Variants in SSBP4 observed in about 807,000 individuals in gnomAD.
SSBP4 encodes single-stranded DNA-binding protein 4.
SSBP4 carries 33 observed loss-of-function variants against 64.6 expected under a neutral mutation model. The ratio of observed to expected loss-of-function variants is 0.51; its 90% CI spans 0.39 to 0.68. SSBP4 has a LOEUF of 0.68. Ranked by LOEUF, SSBP4 falls within the 30% of genes least tolerant of loss-of-function variation. The pLI is 0.00. For synonymous variants in SSBP4, 243 were observed against 224.0 expected (o/e 1.08, Z -0.76); for missense variants, 583 against 566.8 (o/e 1.03, Z -0.29).
intron 1 of SSBP4, chr19:18,419,969 C>G (rs1972318968): frequency 2.2e-5 from 4 of 181,200 alleles, no homozygotes; most frequent in African/African-American, 9.6e-5. Flanking sequence ...ACGGGCGAGA[C>G]CGGAGCGGCT....
rs753163077 is a variant in SSBP4 at position 18,431,393 on chromosome 19, C to A, written c.410C>A (p.Ala137Asp). The A allele has an allele frequency of 6.7e-7, 1 of 1,499,730 alleles. No homozygotes were observed. Among genetic ancestry groups the A allele is most frequent in the South Asian group, 1.2e-5 (1 of 80,360 alleles). 92.9% of individuals were successfully genotyped at this position (1,499,730 alleles called of 1,614,324 possible). A position where few individuals can be genotyped will look rare whatever the true frequency, so the allele number is the denominator to read the frequency against. Residue 137 changes from alanine (A) to aspartate (D), a missense_variant, in exon 6 of 18, where the codon GCC becomes GAC. By Grantham distance (126) the Ala-to-Asp change is moderately radical. Transcript: ENST00000270061. ...GSQPSPHNPN[A>D]PMMGPHGQPF... ...CAGCCGTCCCCCCACAACCCCAACG[C>A]CCCCATGATGGGGCCTCACGGTCAG...
In SSBP4 at chr19:18,431,719, T is replaced by A; in HGVS notation, c.495+13T>A. On this transcript the variant is annotated intron_variant, in intron 7 of 17. Transcript: ENST00000270061. ...GATGCCGAGTCAGGTGAGAAAGGGA[T>A]GAGGGGAGGGCGGGCAGGAGCTGGG... 1 of 1,548,180 alleles carries A rather than the reference T, an allele frequency of 6.5e-7. No homozygotes were observed. Among genetic ancestry groups the A allele is most frequent in the Non-Finnish European group, 8.7e-7 (1 of 1,145,800 alleles).
At chr19:18,417,011 C>T (rs1972142594), upstream of SSBP4, among the ~76,000 whole-genome samples, 1 of 152,162 alleles carries the variant, frequency 6.6e-6, no homozygotes, top group Non-Finnish European at 1.5e-5. The surrounding 1 kb of genome is among the most constrained non-coding windows in gnomAD (Gnocchi z 5.4). Flanking sequence ...TCGCTCCCGC[C>T]CTCCGCGCCT....
At position 18,431,370 on chromosome 19, in the gene SSBP4, G is replaced by T. The variant is rs761436464; in HGVS notation, c.387G>T (p.Gln129His). The stretch of plus-strand genomic sequence containing the variant: ...CCTCCTAGGGCCCCCCCGGCTCCCA[G>T]CCGTCCCCCCACAACCCCAACGCCC... ...AGFFQGPPGSQPSPHNPNAPM... is the reference protein window; with the variant it reads ...AGFFQGPPGSHPSPHNPNAPM... Residue 129 changes from glutamine to histidine, a missense_variant, in exon 6 of 18, where the codon CAG (glutamine) becomes CAT (histidine). Gln to His is a conservative substitution (Grantham distance 24). Coordinates refer to ENST00000270061, the MANE Select transcript of SSBP4 (RefSeq NM_032627.5). The T allele has an allele frequency of 2.7e-6, 3 of 1,092,406 alleles. No homozygotes were observed. Among genetic ancestry groups the T allele is most frequent in the African/African-American group, 1.9e-5 (1 of 51,752 alleles). 67.7% of individuals were successfully genotyped at this position (1,092,406 alleles called of 1,614,324 possible).
At chr19:18,416,683 C>G, upstream of SSBP4, among the ~76,000 whole-genome samples, 1 of 152,240 alleles carries the variant, frequency 6.6e-6, no homozygotes, top group Non-Finnish European at 1.5e-5. Flanking sequence ...CCTCCAGCGC[C>G]TTCGCCGTGT....
At chr19:18,406,890 T>A in the SSBP4 span, among the ~76,000 whole-genome samples, 1 of 152,032 alleles carries the variant, frequency 6.6e-6, no homozygotes, top group Admixed American at 6.6e-5. Context: ...TGGACTGACA[T>A]GGACATTGTG....
upstream of SSBP4, chr19:18,419,091 G>A: frequency 1.0e-6 from 1 of 985,602 alleles, no homozygotes; most frequent in Non-Finnish European, 1.2e-6. Context: ...TATGTTGAGT[G>A]TCGCTGCGAA....
intron 4 of SSBP4, among the ~76,000 whole-genome samples, chr19:18,430,621 G>A (rs893652408): frequency 2.6e-5 from 4 of 152,150 alleles, no homozygotes; most frequent in Non-Finnish European, 2.9e-5. Context: ...GGTCTGGAGT[G>A]GGGAGCAGGT....
chr19:18,416,578 C>G (rs1600267963), upstream of SSBP4, among the ~76,000 whole-genome samples: 1 of 152,152 alleles, frequency 6.6e-6, no homozygotes, highest in African/African-American at 2.4e-5. Flanking sequence ...AAAATCTCAC[C>G]CCCTCCCCTC....
At chr19:18,430,145 GAGA>G (rs1418303364) in intron 4 of SSBP4, among the ~76,000 whole-genome samples, 4 of 152,098 alleles carry the variant, frequency 2.6e-5, no homozygotes, top group Non-Finnish European at 5.9e-5. Flanking sequence ...GGGGCCAGGA[GAGA>G]AGTTCTCCCC....
chr19:18,416,565 A>G (rs1972132274), upstream of SSBP4, among the ~76,000 whole-genome samples: 1 of 152,016 alleles, frequency 6.6e-6, no homozygotes, highest in East Asian at 1.9e-4. Flanking sequence ...ATGCTCTTAG[A>G]AAAAAATCTC....
chr19:18,429,148 C>T (rs374850368), intron 4 of SSBP4, among the ~76,000 whole-genome samples: 6 of 152,264 alleles, frequency 3.9e-5, no homozygotes, highest in East Asian at 3.9e-4. Flanking sequence ...GCCGGGCCGT[C>T]GCCTCCGTTG....
chr19:18,431,264 AC>A, intron 5 of SSBP4, 88 bp from the exon 6 acceptor site: 1 of 565,744 alleles, frequency 1.8e-6, no homozygotes, highest in Non-Finnish European at 3.2e-6. Context: ...AGGCTGGCCC[AC>A]CCCTCTGCCT....
chr19:18,413,678 A>G, the SSBP4 span, among the ~76,000 whole-genome samples: 30,371 of 152,142 alleles, frequency 0.2, 3,133 homozygotes, highest in Admixed American at 0.25. Flanking sequence ...AATGAAGCTC[A>G]GTCCTGTCGG....
intron 4 of SSBP4, among the ~76,000 whole-genome samples, chr19:18,428,310 AT>A (rs1317736577): frequency 6.6e-6 from 1 of 152,092 alleles, no homozygotes; most frequent in East Asian, 1.9e-4. Flanking sequence ...CTGCGTGGAG[AT>A]GGGGGAAGCT....
the SSBP4 span, among the ~76,000 whole-genome samples, chr19:18,408,579 G>A: frequency 3.4e-5 from 5 of 148,702 alleles, no homozygotes; most frequent in South Asian, 2.1e-4. Context: ...TGCAAACTCC[G>A]CCCCCCAGGT....
In SSBP4 at chr19:18,434,411, C is replaced by G. The variant is rs1973842789; in HGVS notation, c.*165C>G. ...AAGACTCTTACCATTTTATTAAAAA[C>G]GCAAGGACCTCAGAGACGTTCTTTT... On this transcript the variant is annotated 3_prime_UTR_variant, in exon 18 of 18. Coordinates refer to ENST00000270061, the MANE Select transcript of SSBP4 (RefSeq NM_032627.5). 7.9e-7 allele frequency: 1 copy of G among 1,273,190 alleles called. No individual in the cohort carries two copies. Among genetic ancestry groups the G allele is most frequent in the Non-Finnish European group, 1.0e-6 (1 of 967,340 alleles). 78.9% of individuals were successfully genotyped at this position (1,273,190 alleles called of 1,614,324 possible).
At chr19:18,425,333 T>G (rs1972776101) in intron 1 of SSBP4, among the ~76,000 whole-genome samples, 1 of 152,108 alleles carries the variant, frequency 6.6e-6, no homozygotes, top group South Asian at 2.1e-4. Context: ...TTCCTGCAAC[T>G]CTGTCTTACC....
rs901750144 is a variant in SSBP4, at chr19:18,419,477, TGCCGCCGCCGCC to T, written c.-169_-158del. The T allele has an allele frequency of 9.3e-7, 1 of 1,077,670 alleles. No individual in the cohort carries two copies. The highest frequency in any genetic ancestry group is 5.3e-5 in the Admixed American group (1 of 19,014). 66.8% of individuals were successfully genotyped at this position (1,077,670 alleles called of 1,614,324 possible). ...CCGGGGCCGGAGCTGGAGCCGCCGC[TGCCGCCGCCGCC>T]GCGGCCGTCTGGAGCTCCCCCGCGC... On this transcript the variant is annotated 5_prime_UTR_variant, in exon 1 of 18. Transcript: ENST00000270061.
Sources: allele counts gnomAD v4.1 joint callset (sites outside exome capture counted in the v4.1 genomes callset), GRCh38; gene constraint gnomAD v4.1.1; non-coding constraint Gnocchi (gnomAD v3.1); transcripts MANE v1.5; gene names NCBI Gene and HGNC (gene_info 2026-07-23, HGNC 2026-07-21).